Variants in CDH13 observed in about 807,000 individuals in gnomAD.
CDH13 encodes the protein cadherin-13.
In CDH13, 24 loss-of-function variants were observed where a neutral mutation model predicts 63.8. That is an observed-to-expected ratio of 0.38 (90% CI 0.27 to 0.53). The LOEUF is 0.53. Among genes scored for constraint, CDH13 ranks in the 20% least tolerant of loss-of-function variants. CDH13 has a pLI of 0.85. For missense variants in CDH13, 1,049 were observed against 903.1 expected (o/e 1.16, Z -2.07); for synonymous variants, 503 against 355.3 (o/e 1.42, Z -4.67).
chr16:82,655,516 A>G (rs529231341), intron 1 of CDH13, among the ~76,000 whole-genome samples: 1 of 152,226 alleles, frequency 6.6e-6, no homozygotes, highest in South Asian at 2.1e-4. Context: ...AGAGTAGGAG[A>G]TGAGATCAGG....
intron 8 of CDH13, among the ~76,000 whole-genome samples, chr16:83,635,402 G>T (rs1424076049): frequency 2.3e-5 from 3 of 132,628 alleles, no homozygotes; most frequent in Admixed American, 8.4e-5. Flanking sequence ...GGAGTCCAGG[G>T]GTGTGACCTC....
intron 6 of CDH13, among the ~76,000 whole-genome samples, chr16:83,458,249 C>A (rs1221988533): frequency 1.3e-5 from 2 of 152,190 alleles, no homozygotes; most frequent in East Asian, 1.9e-4. Context: ...GTTCTTTGGG[C>A]TGTTCCTTTG....
At chr16:83,107,376 G>A (rs1397744780) in intron 3 of CDH13, among the ~76,000 whole-genome samples, 3 of 151,982 alleles carry the variant, frequency 2.0e-5, no homozygotes, top group African/African-American at 7.3e-5. Flanking sequence ...TAAATAGTTT[G>A]GTACATAATA....
At position 83,452,954 on chromosome 16, in the gene CDH13, G is replaced by A. The variant is rs183484720; in HGVS notation, c.782-33523G>A. On this transcript the variant is annotated intron_variant, in intron 6 of 13. Transcript: ENST00000567109. ...AGGGCTTAAGCACAAGTCCCTGGGG[G>A]AGAAACTCAACTCTGCCATCTTCTA... 3.0e-3 allele frequency among the ~76,000 whole-genome samples: 455 copies of A among 152,274 alleles called. 1 individual carries two copies. The highest frequency in any genetic ancestry group is 5.3e-3 in the Non-Finnish European group (362 of 68,020).
intron 1 of CDH13, among the ~76,000 whole-genome samples, chr16:82,694,216 A>G (rs2029979457): frequency 6.6e-6 from 1 of 152,240 alleles, no homozygotes. Flanking sequence ...ATAGAAGAGT[A>G]TCCATAGGAA....
chr16:82,714,609 G>A (rs867839220), intron 1 of CDH13, among the ~76,000 whole-genome samples: 1 of 148,768 alleles, frequency 6.7e-6, no homozygotes, highest in Admixed American at 6.8e-5. Context: ...AGCTACTCAG[G>A]AGCCTGAGGC....
intron 2 of CDH13, among the ~76,000 whole-genome samples, chr16:82,890,058 C>T (rs555961901): frequency 3.3e-5 from 5 of 152,316 alleles, no homozygotes; most frequent in South Asian, 4.1e-4. Flanking sequence ...GGCTTCAAAA[C>T]GCAGAGCACT....
chr16:83,263,532 C>G (rs989496412), intron 5 of CDH13, among the ~76,000 whole-genome samples: 6 of 152,148 alleles, frequency 3.9e-5, no homozygotes, highest in African/African-American at 1.4e-4. Context: ...ATGGTCTTGA[C>G]TCCTCCCTAG....
intron 8 of CDH13, among the ~76,000 whole-genome samples, chr16:83,615,981 G>A (rs553829859): frequency 9.9e-5 from 15 of 152,154 alleles, no homozygotes; most frequent in South Asian, 2.1e-4. Flanking sequence ...ATCTTCCAGC[G>A]TTCAAATATC....
chr16:83,326,182 T>C (rs1220351053), intron 5 of CDH13, among the ~76,000 whole-genome samples: 5 of 152,152 alleles, frequency 3.3e-5, no homozygotes, highest in African/African-American at 1.2e-4. Flanking sequence ...GAGATTTTTT[T>C]CCTCTTTTTA....
At chr16:83,437,927 C>T (rs1441766787) in intron 6 of CDH13, among the ~76,000 whole-genome samples, 3 of 152,124 alleles carry the variant, frequency 2.0e-5, no homozygotes, top group Non-Finnish European at 4.4e-5. Context: ...CTTCCTTCTG[C>T]TTCCTCAAGA....
rs78819113 is a variant in CDH13, at chr16:82,991,911, T to C, written c.158-40099T>C. The stretch of plus-strand genomic sequence containing the variant: ...AGGATGAGAGTGATATAAAGAAATT[T>C]ACCAGAACTTTTTCCATTAATCAAA... On this transcript the variant is annotated intron_variant, in intron 2 of 13. Transcript: ENST00000567109. Among the ~76,000 whole-genome samples the C allele has an allele frequency of 2.2e-3, 338 of 152,238 alleles. 7 individuals are homozygous for C. The East Asian group carries it at 0.037, about 17-fold the overall frequency.
At chr16:83,624,855 C>G (rs4782548) in intron 8 of CDH13, among the ~76,000 whole-genome samples, 43,094 of 152,066 alleles carry the variant, frequency 0.28, 6,664 homozygotes, top group East Asian at 0.58. Flanking sequence ...CCCATCTACT[C>G]CAGATCCTAT....
chr16:82,786,559 G>T (rs755740526), intron 1 of CDH13, among the ~76,000 whole-genome samples: 42 of 150,036 alleles, frequency 2.8e-4, no homozygotes, highest in Non-Finnish European at 2.4e-4. Flanking sequence ...ACAATGTGCA[G>T]GTTTTTTATG....
chr16:82,798,289 G>T (rs372761621), intron 1 of CDH13, among the ~76,000 whole-genome samples: 1 of 152,096 alleles, frequency 6.6e-6, no homozygotes, highest in Non-Finnish European at 1.5e-5. Flanking sequence ...CGTAGGAGCC[G>T]CACACTCAGT....
rs972637115 is a variant in CDH13 at position 83,201,667 on chromosome 16, G to A, written c.484-15678G>A. Among the ~76,000 whole-genome samples the A allele has an allele frequency of 9.9e-5, 15 of 152,002 alleles. No homozygotes were observed. In the East Asian group the frequency reaches 2.3e-3, roughly 24 times the overall value. ...AATCCCAGCACTTTGGGAGGCTGAG[G>A]CGGGCAGGTCACGAGGTCAGGAGAT... On this transcript the variant is annotated intron_variant, in intron 4 of 13. Coordinates refer to ENST00000567109, the MANE Select transcript of CDH13 (RefSeq NM_001257.5).
intron 7 of CDH13, among the ~76,000 whole-genome samples, chr16:83,492,018 G>A (rs1336451534): frequency 6.6e-6 from 1 of 152,180 alleles, no homozygotes. Context: ...ACTGAAGAAT[G>A]TTAGGGAGAA....
intron 11 of CDH13, among the ~76,000 whole-genome samples, chr16:83,759,589 A>G (rs1913791724): frequency 6.6e-6 from 1 of 152,158 alleles, no homozygotes; most frequent in Non-Finnish European, 1.5e-5. Context: ...ACAGTTAAGA[A>G]AGTAAAAAGT....
chr16:82,656,310 T>C (rs1911286305), intron 1 of CDH13, among the ~76,000 whole-genome samples: 1 of 145,720 alleles, frequency 6.9e-6, no homozygotes, highest in Non-Finnish European at 1.5e-5. Flanking sequence ...TTGAATGGTG[T>C]GCGTGTGTGT....
Sources: allele counts gnomAD v4.1 joint callset (sites outside exome capture counted in the v4.1 genomes callset), GRCh38; gene constraint gnomAD v4.1.1; transcripts MANE v1.5; gene names NCBI Gene and HGNC (gene_info 2026-07-23, HGNC 2026-07-21).